The following CSMD1 variants were observed in gnomAD, a reference collection of about 807,000 sequenced individuals.
CSMD1 encodes CUB and sushi domain-containing protein 1.
A neutral mutation model predicts 417.5 loss-of-function variants in CSMD1; 213 were observed. The observed-to-expected ratio is 0.51, with a 90% CI of 0.46 to 0.57. The LOEUF (loss-of-function observed/expected upper bound fraction) is 0.57. Ranked by LOEUF, CSMD1 falls within the 20% of genes least tolerant of loss-of-function variation. The probability of loss-of-function intolerance (pLI) is 0.00; values close to 1 mark genes in which losing one functional copy is unlikely to be tolerated. For missense variants in CSMD1, 6,923 were observed against 4,529.7 expected (o/e 1.53, Z -15.17); for synonymous variants, 2,862 against 1,736.8 (o/e 1.65, Z -16.11).
rs546245457 is a variant in CSMD1, at chr8:4,574,269, T to A, written c.302+63073A>T. Among the ~76,000 whole-genome samples the A allele has an allele frequency of 3.4e-4, 51 of 152,234 alleles. 1 individual carries two copies. Among genetic ancestry groups the A allele is most frequent in the Admixed American group, 3.2e-3 (49 of 15,284 alleles). On this transcript the variant is annotated intron_variant, in intron 2 of 69. Transcript: ENST00000635120. The stretch of plus-strand genomic sequence containing the variant: ...CTGGTGGTGTAGGCATCTGAGGGAA[T>A]TTCCTGGTTTGTTGGATGCAGAAAC...
chr8:4,291,994 A>C (rs1797396423), intron 3 of CSMD1, among the ~76,000 whole-genome samples: 1 of 152,194 alleles, frequency 6.6e-6, no homozygotes, highest in African/African-American at 2.4e-5. Context: ...TTGAGACGCC[A>C]GAGTGAGTTT....
At chr8:4,624,920 G>C (rs1802010095) in intron 2 of CSMD1, among the ~76,000 whole-genome samples, 1 of 152,134 alleles carries the variant, frequency 6.6e-6, no homozygotes, top group Non-Finnish European at 1.5e-5. Context: ...TAAAATTAAA[G>C]TGTGCTCCTG....
chr8:3,078,113 T>C (rs927617496), intron 49 of CSMD1, among the ~76,000 whole-genome samples: 4 of 152,370 alleles, frequency 2.6e-5, no homozygotes, highest in African/African-American at 4.8e-5. Context: ...GTGAGATATA[T>C]AGTTGATCTC....
At chr8:4,655,739 C>A (rs148319214) in intron 1 of CSMD1, among the ~76,000 whole-genome samples, 123 of 152,032 alleles carry the variant, frequency 8.1e-4, no homozygotes, top group Non-Finnish European at 1.4e-3. Flanking sequence ...TAAGAAATGC[C>A]CAACAGCTAC....
intron 3 of CSMD1, among the ~76,000 whole-genome samples, chr8:4,390,174 T>C (rs1364225023): frequency 3.3e-5 from 5 of 152,226 alleles, no homozygotes; most frequent in Non-Finnish European, 7.3e-5. Flanking sequence ...TTAATTTGCA[T>C]TTCCTGAGTC....
At chr8:4,433,731 A>G (rs1228115141) in intron 2 of CSMD1, among the ~76,000 whole-genome samples, 1 of 152,232 alleles carries the variant, frequency 6.6e-6, no homozygotes, top group Non-Finnish European at 1.5e-5. Flanking sequence ...TGATTGAAAA[A>G]TAACATTTAT....
intron 3 of CSMD1, among the ~76,000 whole-genome samples, chr8:4,355,826 A>G (rs561281406): frequency 7.2e-5 from 11 of 152,358 alleles, no homozygotes; most frequent in African/African-American, 2.6e-4. Context: ...GAAGATTTCT[A>G]GATTCCAGGC....
At chr8:4,774,872 A>G (rs1796769434) in intron 1 of CSMD1, among the ~76,000 whole-genome samples, 1 of 152,136 alleles carries the variant, frequency 6.6e-6, no homozygotes. Context: ...ACCTTCCGCC[A>G]TGACTGAAAG....
chr8:4,019,742 A>G lies in CSMD1; in HGVS notation c.610+12163T>C, dbSNP rs558589021. ...TGGGTATGAATGTGCCTGTTGTAGA[A>G]GTAGTTTTCCCAATATTTCTGTCCA... On this transcript the variant is annotated intron_variant, in intron 4 of 69. Transcript: ENST00000635120. Among the ~76,000 whole-genome samples the G allele has an allele frequency of 2.6e-5, 4 of 152,174 alleles. No homozygotes were observed. The South Asian group carries it at 8.3e-4, about 32-fold the overall frequency.
chr8:3,188,235 C>T (rs1297569726), intron 35 of CSMD1, among the ~76,000 whole-genome samples: 2 of 42,686 alleles, frequency 4.7e-5, no homozygotes, highest in East Asian at 5.5e-4. Flanking sequence ...TCTATATATA[C>T]ATGGCAAAAT....
intron 12 of CSMD1, among the ~76,000 whole-genome samples, chr8:3,448,219 G>C (rs966513446): frequency 4.1e-5 from 6 of 147,992 alleles, no homozygotes; most frequent in Admixed American, 1.4e-4. Flanking sequence ...TTCCTGATGG[G>C]GCCAACTCTC....
intron 5 of CSMD1, among the ~76,000 whole-genome samples, chr8:3,916,686 T>A (rs2129141908): frequency 6.6e-6 from 1 of 152,258 alleles, no homozygotes; most frequent in South Asian, 2.1e-4. Flanking sequence ...GTAATCTGTG[T>A]AGTTTCCTAC....
intron 25 of CSMD1, among the ~76,000 whole-genome samples, chr8:3,298,521 G>T (rs62504379): frequency 0.084 from 12,784 of 152,170 alleles, 681 homozygotes; most frequent in Non-Finnish European, 0.12. Flanking sequence ...TGGAATGATC[G>T]TGGCTCACTG....
intron 1 of CSMD1, among the ~76,000 whole-genome samples, chr8:4,696,414 T>C (rs1426466618): frequency 6.6e-6 from 1 of 152,204 alleles, no homozygotes; most frequent in Non-Finnish European, 1.5e-5. Context: ...CACTGAAACA[T>C]CCTGCTTCTC....
intron 3 of CSMD1, among the ~76,000 whole-genome samples, chr8:4,039,296 T>G (rs920954095): frequency 6.6e-6 from 1 of 152,192 alleles, no homozygotes; most frequent in African/African-American, 2.4e-5. Context: ...GATGTGTACT[T>G]TCTATGTAAA....
intron 5 of CSMD1, among the ~76,000 whole-genome samples, chr8:3,799,207 T>A (rs892432932): frequency 6.6e-6 from 1 of 152,036 alleles, no homozygotes; most frequent in Non-Finnish European, 1.5e-5. Context: ...AGCACATAAC[T>A]TACCTTTCAC....
chr8:3,807,425 G>A (rs1196247158), intron 5 of CSMD1, among the ~76,000 whole-genome samples: 10 of 129,490 alleles, frequency 7.7e-5, no homozygotes, highest in African/African-American at 2.6e-4. Context: ...TGTTTTCTCT[G>A]ATTTTTTTTA....
At chr8:3,885,727 A>C (rs569445954) in intron 5 of CSMD1, among the ~76,000 whole-genome samples, 1 of 152,252 alleles carries the variant, frequency 6.6e-6, no homozygotes, top group Admixed American at 6.5e-5. Flanking sequence ...GGCACTCAGG[A>C]ATATCAGCCC....
chr8:4,131,192 T>G (rs1334174116), intron 3 of CSMD1, among the ~76,000 whole-genome samples: 2 of 152,164 alleles, frequency 1.3e-5, no homozygotes, highest in East Asian at 1.9e-4. Flanking sequence ...AAAGACTTCA[T>G]AGTTAAATAG....
Sources: gnomAD v4.1 joint callset for allele counts (sites outside exome capture counted in the v4.1 genomes callset) on GRCh38, gnomAD v4.1.1 for gene constraint, MANE v1.5 for transcripts, NCBI Gene and HGNC (gene_info 2026-07-23, HGNC 2026-07-21) for gene names.